The following DLC1 variants were observed in gnomAD, a reference collection of about 807,000 sequenced individuals.
DLC1 encodes the protein DLC1 Rho GTPase activating protein.
A neutral mutation model predicts 140.3 loss-of-function variants in DLC1; 54 were observed. That is an observed-to-expected ratio of 0.38 (90% confidence interval 0.31 to 0.48). DLC1 has a LOEUF of 0.48. DLC1 is among the 20% of genes least tolerant of loss of function. The probability of loss-of-function intolerance (pLI) is 0.96; values close to 1 mark genes in which losing one functional copy is unlikely to be tolerated. For synonymous variants in DLC1, 986 were observed against 728.1 expected (o/e 1.35, Z -5.70); for missense variants, 2,536 against 1,907.0 (o/e 1.33, Z -6.14).
intron 13 of DLC1, 46 bp downstream of exon 13, chr8:13,092,566 A>C (rs1291536513): frequency 1.3e-6 from 2 of 1,578,332 alleles, no homozygotes; most frequent in African/African-American, 1.4e-5. Context: ...CCTAGGAAGA[A>C]TGTAGGCTGC....
At chr8:13,089,005 T>A (rs1253325308) in intron 15 of DLC1, among the ~76,000 whole-genome samples, 1 of 152,100 alleles carries the variant, frequency 6.6e-6, no homozygotes, top group African/African-American at 2.4e-5. Context: ...ATTCCTGTAA[T>A]CCCAGCACTT....
At chr8:13,112,456 T>C (rs1489637037) in intron 6 of DLC1, among the ~76,000 whole-genome samples, 3 of 152,204 alleles carry the variant, frequency 2.0e-5, no homozygotes. Flanking sequence ...CATTGTTCCC[T>C]AAATGATAAT....
chr8:13,320,492 G>A (rs1197323309), intron 4 of DLC1, among the ~76,000 whole-genome samples: 1 of 151,994 alleles, frequency 6.6e-6, no homozygotes, highest in Non-Finnish European at 1.5e-5. Context: ...CTTTTTCAAG[G>A]ATTATAATAG....
intron 5 of DLC1, among the ~76,000 whole-genome samples, chr8:13,171,856 G>A (rs1005480032): frequency 1.3e-5 from 2 of 152,132 alleles, no homozygotes; most frequent in Non-Finnish European, 2.9e-5. Context: ...CCCCAGGTGA[G>A]GGTCAATTGG....
intron 2 of DLC1, among the ~76,000 whole-genome samples, chr8:13,451,061 A>AAAAAAAAAAAAAAAAAAAAAAAAAG (rs1563357501): frequency 2.2e-5 from 3 of 138,404 alleles, no homozygotes; most frequent in Non-Finnish European, 3.1e-5. Flanking sequence ...AAAAAAAAAA[A>AAAAAAAAAAAAAAAAAAAAAAAAAG]AAAAAAAGAA....
At chr8:13,237,145 G>GA (rs904877468) in intron 5 of DLC1, among the ~76,000 whole-genome samples, 13 of 148,168 alleles carry the variant, frequency 8.8e-5, no homozygotes, top group Non-Finnish European at 1.6e-4. Flanking sequence ...TAATGCAGTG[G>GA]AAAAAAAATA....
intron 5 of DLC1, among the ~76,000 whole-genome samples, chr8:13,170,117 G>A (rs1465222037): frequency 1.3e-5 from 2 of 152,122 alleles, no homozygotes; most frequent in East Asian, 3.8e-4. Flanking sequence ...CTAATTTCAA[G>A]TTTATTTAGC....
At chr8:13,326,498 T>G (rs1028458435) in intron 4 of DLC1, among the ~76,000 whole-genome samples, 2 of 152,198 alleles carry the variant, frequency 1.3e-5, no homozygotes, top group African/African-American at 4.8e-5. Flanking sequence ...AAAAGCTGCC[T>G]ACTACTTTCC....
chr8:13,225,616 A>ATT (rs869199348), intron 5 of DLC1, among the ~76,000 whole-genome samples: 242 of 139,572 alleles, frequency 1.7e-3, no homozygotes, highest in African/African-American at 5.8e-3. Flanking sequence ...TATTTATTTA[A>ATT]TTTTTTTTTT....
At chr8:13,293,222 C>T (rs1470646118) in intron 5 of DLC1, among the ~76,000 whole-genome samples, 8 of 152,098 alleles carry the variant, frequency 5.3e-5, no homozygotes, top group African/African-American at 1.9e-4. Flanking sequence ...AGAGCGTGAA[C>T]CTGTCTCTAA....
intron 2 of DLC1, among the ~76,000 whole-genome samples, chr8:13,481,091 G>A (rs1800711371): frequency 6.6e-6 from 1 of 152,044 alleles, no homozygotes; most frequent in Non-Finnish European, 1.5e-5. Context: ...CTTTTGAAAT[G>A]GAAAGACAAT....
At chr8:13,508,460 C>T (rs1211242802) in intron 1 of DLC1, among the ~76,000 whole-genome samples, 2 of 150,684 alleles carry the variant, frequency 1.3e-5, no homozygotes, top group African/African-American at 4.9e-5. Flanking sequence ...CTCTGTCGCC[C>T]AGGCTGGAGT....
intron 1 of DLC1, among the ~76,000 whole-genome samples, chr8:13,534,075 T>G (rs1563425070): frequency 6.6e-6 from 1 of 152,192 alleles, no homozygotes; most frequent in East Asian, 1.9e-4. Context: ...TAAGTCCCCC[T>G]TTCTTTATGT....
At chr8:13,197,380 G>A (rs1827126485) in intron 5 of DLC1, among the ~76,000 whole-genome samples, 1 of 151,072 alleles carries the variant, frequency 6.6e-6, no homozygotes, top group Non-Finnish European at 1.5e-5. Context: ...TGGGAGTCTT[G>A]CTCTGTCGCC....
chr8:13,245,475 C>T lies in DLC1; in HGVS notation c.1348+59794G>A, dbSNP rs570565553. Among the ~76,000 whole-genome samples, 5 of 152,272 alleles carry T rather than the reference C, an allele frequency of 3.3e-5. No individual in the cohort carries two copies. The South Asian group carries it at 8.3e-4, about 25-fold the overall frequency. ...CAGCAATAGTAAAACAATGCACAGC[C>T]GCAGCAGAAATCTGCTCATTAACCC... On this transcript the variant is annotated intron_variant, in intron 5 of 17. Transcript: ENST00000276297.
At chr8:13,493,210 A>G (rs1801343838) in intron 2 of DLC1, among the ~76,000 whole-genome samples, 1 of 152,192 alleles carries the variant, frequency 6.6e-6, no homozygotes, top group Admixed American at 6.5e-5. Context: ...TAATACTGTT[A>G]TTATGAATTT....
intron 4 of DLC1, among the ~76,000 whole-genome samples, chr8:13,365,594 A>C (rs1186985225): frequency 6.6e-6 from 1 of 152,150 alleles, no homozygotes; most frequent in Non-Finnish European, 1.5e-5. Context: ...CACCTTGCTT[A>C]ATGAAGCACT....
chr8:13,199,177 CTTTTTTTTTTTT>C (rs71207132), intron 5 of DLC1, among the ~76,000 whole-genome samples: 172 of 93,286 alleles, frequency 1.8e-3, no homozygotes, highest in African/African-American at 6.7e-3. Context: ...TTCTCTTTTT[CTTTTTTTTTTTT>C]TTTTTTTTTT....
chr8:13,086,061 C>A (rs905325888), intron 17 of DLC1, 130 bp from the exon 18 acceptor site: 1 of 1,425,286 alleles, frequency 7.0e-7, no homozygotes, highest in South Asian at 1.5e-5. Flanking sequence ...AATTCATGGC[C>A]GAGCTACCAT....
Sources: allele counts gnomAD v4.1 joint callset (sites outside exome capture counted in the v4.1 genomes callset), GRCh38; gene constraint gnomAD v4.1.1; transcripts MANE v1.5; gene names NCBI Gene and HGNC (gene_info 2026-07-23, HGNC 2026-07-21).